Variants in KCNB2 observed in about 807,000 individuals in gnomAD.
The protein encoded by KCNB2 is delayed rectifier potassium channel protein.
KCNB2 carries 15 observed loss-of-function variants against 61.5 expected under a neutral mutation model. That is an observed-to-expected ratio of 0.24 (90% CI 0.16 to 0.38). The LOEUF (loss-of-function observed/expected upper bound fraction) is 0.38. KCNB2 is among the 10% of genes least tolerant of loss of function. KCNB2 has a pLI of 1.00. For missense variants in KCNB2, 828 were observed against 1,125.2 expected, an observed-to-expected ratio of 0.74 and a Z score of 3.78; for synonymous variants, 457 against 446.0, an observed-to-expected ratio of 1.02 and a Z score of -0.31.
intron 2 of KCNB2, among the ~76,000 whole-genome samples, chr8:72,679,759 T>C (rs552405025): frequency 2.0e-5 from 3 of 152,336 alleles, no homozygotes; most frequent in Non-Finnish European, 2.9e-5. Flanking sequence ...TCAGTCTAAA[T>C]GCCTGATCTG....
At chr8:72,644,578 T>C (rs981718249) in intron 2 of KCNB2, among the ~76,000 whole-genome samples, 1 of 152,174 alleles carries the variant, frequency 6.6e-6, no homozygotes, top group African/African-American at 2.4e-5. Flanking sequence ...CTGTGGAACA[T>C]AAACATAGCC....
chr8:72,615,907 GT>G (rs1805612854), intron 2 of KCNB2, among the ~76,000 whole-genome samples: 3 of 152,198 alleles, frequency 2.0e-5, no homozygotes, highest in Admixed American at 1.3e-4. Flanking sequence ...GCTTTGATAA[GT>G]TTTGTAAGTT....
chr8:72,803,145 G>A (rs552602086), intron 2 of KCNB2, among the ~76,000 whole-genome samples: 11 of 152,286 alleles, frequency 7.2e-5, no homozygotes, highest in African/African-American at 2.4e-4. Context: ...ACGTTGCGGG[G>A]TGTATAAGGA....
intron 2 of KCNB2, among the ~76,000 whole-genome samples, chr8:72,820,881 A>C (rs1384432716): frequency 6.6e-6 from 1 of 152,140 alleles, no homozygotes; most frequent in East Asian, 1.9e-4. Flanking sequence ...TCTTCTGAAC[A>C]TTCTTTCTTT....
chr8:72,782,004 G>T (rs1808766598), intron 2 of KCNB2, among the ~76,000 whole-genome samples: 1 of 152,152 alleles, frequency 6.6e-6, no homozygotes, highest in Admixed American at 6.5e-5. Flanking sequence ...TCTAATCCAT[G>T]CAGGGCTTGA....
chr8:72,914,951 C>A (rs1404649034), intron 2 of KCNB2, among the ~76,000 whole-genome samples: 1 of 150,476 alleles, frequency 6.6e-6, no homozygotes, highest in Non-Finnish European at 1.5e-5. Flanking sequence ...GTCGTCCAGG[C>A]TGGAGTGCAG....
intron 2 of KCNB2, among the ~76,000 whole-genome samples, chr8:72,805,598 G>A (rs192456224): frequency 1.1e-4 from 17 of 152,282 alleles, no homozygotes; most frequent in African/African-American, 3.8e-4. Context: ...ACAGTCTATT[G>A]ACCCAAAGAT....
intron 2 of KCNB2, among the ~76,000 whole-genome samples, chr8:72,623,705 C>A (rs560801705): frequency 5.3e-5 from 8 of 152,202 alleles, no homozygotes; most frequent in African/African-American, 1.9e-4. Flanking sequence ...TCTTCCTGGT[C>A]ATATTCAAAA....
chr8:72,610,681 G>A (rs937030986), intron 2 of KCNB2, among the ~76,000 whole-genome samples: 1 of 152,064 alleles, frequency 6.6e-6, no homozygotes, highest in Admixed American at 6.6e-5. Flanking sequence ...TTTATTATTA[G>A]TCTCATTTTA....
At chr8:72,672,475 A>G (rs1196282591) in intron 2 of KCNB2, among the ~76,000 whole-genome samples, 1 of 152,002 alleles carries the variant, frequency 6.6e-6, no homozygotes, top group Non-Finnish European at 1.5e-5. Flanking sequence ...ATTTGACATT[A>G]CTCTTTGAGA....
chr8:72,568,323 C>T lies in KCNB2; in HGVS notation c.579+10C>T, dbSNP rs1430966508. 4.4e-6 allele frequency: 7 copies of T among 1,594,084 alleles called. No individual in the cohort carries two copies. The East Asian group carries it at 1.6e-4, about 36-fold the overall frequency. On this transcript the variant is annotated intron_variant, in intron 2 of 2. Transcript: ENST00000523207. ...ATCAGTGGCTGCAAAGGTATGAAAC[C>T]CATAGTATTGCTTGCCTGTGTGTGG...
intron 2 of KCNB2, among the ~76,000 whole-genome samples, chr8:72,684,383 T>C (rs188099991): frequency 6.6e-6 from 1 of 152,326 alleles, no homozygotes; most frequent in Non-Finnish European, 1.5e-5. Context: ...GCTGCAGATG[T>C]GGCAGCTGAC....
At chr8:72,929,866 T>C (rs1806741641) in intron 2 of KCNB2, among the ~76,000 whole-genome samples, 1 of 152,018 alleles carries the variant, frequency 6.6e-6, no homozygotes, top group South Asian at 2.1e-4. Context: ...TTGTTACATA[T>C]GTATACATAT....
At chr8:72,585,845 G>A (rs1806993896) in intron 2 of KCNB2, among the ~76,000 whole-genome samples, 1 of 152,182 alleles carries the variant, frequency 6.6e-6, no homozygotes. Flanking sequence ...ACTGACATTT[G>A]TTTGAATTTG....
chr8:72,874,791 G>A lies in KCNB2; in HGVS notation c.580-61144G>A, dbSNP rs182929508. The A allele has an allele frequency of 2.3e-4, 35 of 152,370 alleles. No homozygotes were observed. The East Asian group carries it at 6.6e-3, about 29-fold the overall frequency. The allele number at this position is 152,370 out of a possible 1,614,324, so 9.4% of individuals were successfully genotyped here. ...ACACCATCTGTGTGCCAGGGACTCG[G>A]GCCAAAAGGCCTGGCACTTGAGAGC... On this transcript the variant is annotated intron_variant, in intron 2 of 2. Transcript: ENST00000523207.
At chr8:72,868,075 A>ATT (rs760574895) in intron 2 of KCNB2, among the ~76,000 whole-genome samples, 46 of 135,422 alleles carry the variant, frequency 3.4e-4, no homozygotes, top group African/African-American at 1.2e-3. Context: ...TTTATTATTT[A>ATT]TTTTTTTTTT....
chr8:72,937,233 C>G lies in KCNB2; in HGVS notation c.1878C>G (p.Ala626=), dbSNP rs1188857016. ...GATCGCCGCTGCCGCCGCCCTCCGC[C>G]TCTCACTTGCAGATGAAGTTCCCAA... ...TERSPLPPPS[A]SHLQMKFPTD... Residue 626 remains alanine (A), a synonymous_variant, in exon 3 of 3, where the codon GCC becomes GCG. Coordinates refer to ENST00000523207, the MANE Select transcript of KCNB2 (RefSeq NM_004770.3). 1 of 1,613,972 alleles carries G rather than the reference C, an allele frequency of 6.2e-7. No homozygotes were observed. The highest frequency in any genetic ancestry group is 8.5e-7 in the Non-Finnish European group (1 of 1,180,026).
chr8:72,875,384 C>T (rs1199202155), intron 2 of KCNB2, among the ~76,000 whole-genome samples: 2 of 152,186 alleles, frequency 1.3e-5, no homozygotes, highest in Non-Finnish European at 2.9e-5. Context: ...TCCACAAACA[C>T]AGGATCAGAA....
intron 2 of KCNB2, among the ~76,000 whole-genome samples, chr8:72,810,193 C>A (rs1321382960): frequency 6.6e-6 from 1 of 152,154 alleles, no homozygotes; most frequent in African/African-American, 2.4e-5. Flanking sequence ...AAGGAACTTA[C>A]CGCAGAGGGT....
Sources: gnomAD v4.1 joint callset for allele counts (sites outside exome capture counted in the v4.1 genomes callset) on GRCh38, gnomAD v4.1.1 for gene constraint, MANE v1.5 for transcripts, NCBI Gene and HGNC (gene_info 2026-07-23, HGNC 2026-07-21) for gene names.